CADM1: variants seen among roughly 807,000 people sequenced by gnomAD.
CADM1 encodes the protein TSLC-1.
Under a neutral mutation model 53.1 loss-of-function variants are expected in CADM1, and 15 were observed. That is an observed-to-expected ratio of 0.28 (90% confidence interval 0.19 to 0.44). The LOEUF is 0.44. Ranked by LOEUF, CADM1 falls within the 20% of genes least tolerant of loss-of-function variation. CADM1 has a pLI of 1.00. For synonymous variants in CADM1, 281 were observed against 243.0 expected (o/e 1.16, Z -1.45); for missense variants, 434 against 611.3 (o/e 0.71, Z 3.06).
At chr11:115,373,194 A>G (rs1946351179) in intron 1 of CADM1, among the ~76,000 whole-genome samples, 1 of 152,178 alleles carries the variant, frequency 6.6e-6, no homozygotes, top group Admixed American at 6.5e-5. Context: ...CCTGGCTTTC[A>G]CAGAAGTGAA....
intron 1 of CADM1, among the ~76,000 whole-genome samples, chr11:115,388,078 A>G (rs893055581): frequency 2.6e-5 from 4 of 152,100 alleles, no homozygotes; most frequent in African/African-American, 9.7e-5. Flanking sequence ...CACAAGAGAC[A>G]ATCTAAAGGG....
chr11:115,448,082 G>A (rs1013909739), intron 1 of CADM1, among the ~76,000 whole-genome samples: 9 of 151,862 alleles, frequency 5.9e-5, no homozygotes, highest in African/African-American at 1.2e-4. Context: ...TTCCTCTCTC[G>A]ACTGCACACA....
intron 1 of CADM1, among the ~76,000 whole-genome samples, chr11:115,410,776 T>C (rs1328074785): frequency 6.6e-6 from 1 of 151,958 alleles, no homozygotes; most frequent in African/African-American, 2.4e-5. Flanking sequence ...AACAAATGAG[T>C]AAAATCTGTG....
intron 1 of CADM1, among the ~76,000 whole-genome samples, chr11:115,486,203 A>G (rs1565450632): frequency 6.6e-6 from 1 of 152,128 alleles, no homozygotes; most frequent in East Asian, 1.9e-4. Context: ...CTAATGGAAG[A>G]TCCTCTCAAT....
chr11:115,465,017 C>T (rs1440486051), intron 1 of CADM1, among the ~76,000 whole-genome samples: 2 of 152,190 alleles, frequency 1.3e-5, no homozygotes, highest in Non-Finnish European at 2.9e-5. Flanking sequence ...TTAAAATATA[C>T]ACAACCTGTA....
At chr11:115,321,582 T>C (rs1944826138) in intron 1 of CADM1, among the ~76,000 whole-genome samples, 1 of 152,212 alleles carries the variant, frequency 6.6e-6, no homozygotes, top group Non-Finnish European at 1.5e-5. Context: ...TTTGCAAATA[T>C]TGGAAAGTAA....
chr11:115,464,552 G>A (rs986752173), intron 1 of CADM1, among the ~76,000 whole-genome samples: 1 of 152,100 alleles, frequency 6.6e-6, no homozygotes. Context: ...GTCAACAGAG[G>A]CTGTGTCCTA....
chr11:115,388,409 G>T (rs150872460), intron 1 of CADM1, among the ~76,000 whole-genome samples: 1 of 152,234 alleles, frequency 6.6e-6, no homozygotes, highest in African/African-American at 2.4e-5. Context: ...AAATCTAAGG[G>T]GTGAGTTTTG....
At chr11:115,257,746 C>T (rs1942838963) in intron 1 of CADM1, among the ~76,000 whole-genome samples, 1 of 152,304 alleles carries the variant, frequency 6.6e-6, no homozygotes, top group African/African-American at 2.4e-5. Context: ...AATGCTGCTG[C>T]TTTGAACCTT....
At chr11:115,470,209 T>C (rs1948983203) in intron 1 of CADM1, among the ~76,000 whole-genome samples, 1 of 152,248 alleles carries the variant, frequency 6.6e-6, no homozygotes, top group South Asian at 2.1e-4. Context: ...CTTTTCATAA[T>C]GTCATCTTCT....
In CADM1 at chr11:115,257,594, A is replaced by G. The variant is rs956101537; in HGVS notation, c.125-17174T>C. Among the ~76,000 whole-genome samples, 5 of 152,354 alleles carry G rather than the reference A, an allele frequency of 3.3e-5. No homozygotes were observed. In the East Asian group the frequency reaches 9.6e-4, roughly 29 times the overall value. On this transcript the variant is annotated intron_variant, in intron 1 of 11. Transcript: ENST00000331581. ...CATCTTTTAAATGTCAAAAATGTTT[A>G]TCTGTCAGAAAATGTTTATTTTTAT...
At chr11:115,442,966 T>C (rs1948356923) in intron 1 of CADM1, among the ~76,000 whole-genome samples, 1 of 152,224 alleles carries the variant, frequency 6.6e-6, no homozygotes, top group African/African-American at 2.4e-5. Flanking sequence ...AGATGACAGT[T>C]TTATAAGTAG....
At chr11:115,373,332 C>T (rs1389132906) in intron 1 of CADM1, among the ~76,000 whole-genome samples, 1 of 152,050 alleles carries the variant, frequency 6.6e-6, no homozygotes, top group Non-Finnish European at 1.5e-5. Flanking sequence ...TGCCTGTAAT[C>T]CCAGCACTTT....
intron 1 of CADM1, among the ~76,000 whole-genome samples, chr11:115,367,855 C>G (rs1021634826): frequency 2.0e-5 from 3 of 151,786 alleles, no homozygotes; most frequent in African/African-American, 4.8e-5. Flanking sequence ...ATAAGATGAT[C>G]TCTCATTTTC....
At chr11:115,386,700 T>C (rs1946706943) in intron 1 of CADM1, among the ~76,000 whole-genome samples, 1 of 18,300 alleles carries the variant, frequency 5.5e-5, no homozygotes, top group Non-Finnish European at 9.7e-5. Context: ...GATTAATCAA[T>C]TCATGAGGGC....
Position 115,175,199 on chromosome 11 carries a change from C to A in CADM1, c.*1275G>T, listed in dbSNP as rs937227901. The A allele has an allele frequency of 2.0e-6, 2 of 985,736 alleles. No homozygotes were observed. 61.1% of individuals were successfully genotyped at this position (985,736 alleles called of 1,614,324 possible). A position where few individuals can be genotyped will look rare whatever the true frequency, so the allele number is the denominator to read the frequency against. ...ACCTATCGAGAACTGAGAGCGACAG[C>A]AGACCAGTGTGAGAACAATACCAGC... On this transcript the variant is annotated 3_prime_UTR_variant, in exon 12 of 12. Coordinates refer to ENST00000331581, the MANE Select transcript of CADM1 (RefSeq NM_001301043.2).
At chr11:115,444,338 G>A (rs1948398616) in intron 1 of CADM1, among the ~76,000 whole-genome samples, 3 of 152,152 alleles carry the variant, frequency 2.0e-5, no homozygotes, top group Admixed American at 2.0e-4. Context: ...ATATGGTATA[G>A]TTTACTTATT....
At chr11:115,183,937 C>CT (rs1476001956) in intron 10 of CADM1, among the ~76,000 whole-genome samples, 2 of 152,202 alleles carry the variant, frequency 1.3e-5, no homozygotes, top group African/African-American at 2.4e-5. Context: ...TTGTTGCGGA[C>CT]TTTTTTGCAA....
At chr11:115,451,153 T>A (rs181361080) in intron 1 of CADM1, among the ~76,000 whole-genome samples, 1 of 152,244 alleles carries the variant, frequency 6.6e-6, no homozygotes, top group East Asian at 1.9e-4. Flanking sequence ...CTCCCAGAGA[T>A]AGAAGGGAGG....
Sources: gnomAD v4.1 joint callset for allele counts (sites outside exome capture counted in the v4.1 genomes callset) on GRCh38, gnomAD v4.1.1 for gene constraint, MANE v1.5 for transcripts, NCBI Gene and HGNC (gene_info 2026-07-23, HGNC 2026-07-21) for gene names.